FAM161A: variants seen among roughly 807,000 people sequenced by gnomAD.
The protein encoded by FAM161A is protein FAM161A.
FAM161A carries 57 observed loss-of-function variants against 70.9 expected under a neutral mutation model. The observed-to-expected ratio is 0.80, with a 90% CI of 0.65 to 1.00. FAM161A has a LOEUF of 1.00. Among genes scored for constraint, FAM161A ranks in the 50% least tolerant of loss-of-function variants. The pLI is 0.00. For synonymous variants in FAM161A, 299 were observed against 295.7 expected (o/e 1.01, Z -0.12); for missense variants, 880 against 836.0 (o/e 1.05, Z -0.65).
chr2:61,811,561 A>G, the FAM161A span, among the ~76,000 whole-genome samples: 11 of 152,124 alleles, frequency 7.2e-5, no homozygotes, highest in Non-Finnish European at 1.2e-4. Flanking sequence ...TTTAGTAGAG[A>G]CTAGTTTCTC....
intron 5 of FAM161A, 135 bp from the exon 6 acceptor site, chr2:61,827,393 G>C: frequency 1.3e-6 from 1 of 755,282 alleles, no homozygotes. Flanking sequence ...GGTGGATCAC[G>C]AGGTCAGGAG....
intron 5 of FAM161A, among the ~76,000 whole-genome samples, chr2:61,830,397 T>G (rs546578700): frequency 1.3e-5 from 2 of 151,866 alleles, no homozygotes; most frequent in Admixed American, 1.3e-4. Context: ...ATGAGAACAG[T>G]AGGCCAGGCA....
downstream of FAM161A, chr2:61,820,115 T>G: frequency 4.7e-6 from 2 of 423,302 alleles, no homozygotes; most frequent in South Asian, 6.1e-5. Flanking sequence ...TTAGGAATTG[T>G]GTTCTGCTGC....
intron 1 of FAM161A, among the ~76,000 whole-genome samples, chr2:61,843,460 A>C (rs957088705): frequency 3.9e-5 from 6 of 152,312 alleles, no homozygotes; most frequent in African/African-American, 1.2e-4. Context: ...AACTAAAGAG[A>C]TAAAACCCCA....
chr2:61,838,868 A>G, intron 3 of FAM161A, among the ~76,000 whole-genome samples, 163 bp from the exon 4 acceptor site: 1 of 139,512 alleles, frequency 7.2e-6, no homozygotes, highest in South Asian at 2.2e-4. Flanking sequence ...TTATTTATTT[A>G]TTTATTTATT....
chr2:61,805,048 CA>C, the FAM161A span, among the ~76,000 whole-genome samples: 1 of 152,054 alleles, frequency 6.6e-6, no homozygotes, highest in African/African-American at 2.4e-5. Context: ...AAGTCACGCC[CA>C]TGAGCCAGAG....
At chr2:61,804,828 A>AAG in the FAM161A span, among the ~76,000 whole-genome samples, 7 of 150,002 alleles carry the variant, frequency 4.7e-5, no homozygotes, top group South Asian at 4.3e-4. Context: ...GAGAAAGAGA[A>AAG]AGAAAGAAGG....
At chr2:61,801,135 G>T in the FAM161A span, among the ~76,000 whole-genome samples, 1 of 152,078 alleles carries the variant, frequency 6.6e-6, no homozygotes, top group Non-Finnish European at 1.5e-5. Context: ...TTCTTAGGAG[G>T]CCTTAGGGTT....
intron 1 of FAM161A, among the ~76,000 whole-genome samples, chr2:61,843,662 G>A (rs975841627): frequency 1.3e-5 from 2 of 152,126 alleles, no homozygotes; most frequent in African/African-American, 4.8e-5. Flanking sequence ...AAAATAATCT[G>A]TTTAGCTTCT....
the FAM161A span, among the ~76,000 whole-genome samples, chr2:61,806,680 C>CT: frequency 0.088 from 5,382 of 61,244 alleles, 1,717 homozygotes; most frequent in African/African-American, 0.19. Context: ...CTTTCCACGT[C>CT]TTTTTTTTTT....
chr2:61,803,480 A>C, the FAM161A span: 1 of 589,734 alleles, frequency 1.7e-6, no homozygotes, highest in Non-Finnish European at 3.1e-6. Context: ...GAGTAAAGAT[A>C]TTGCAAGGAT....
chr2:61,806,487 T>C, the FAM161A span, among the ~76,000 whole-genome samples: 663 of 152,176 alleles, frequency 4.4e-3, 4 homozygotes, highest in African/African-American at 0.015. Context: ...ATTAATCATG[T>C]TTTAAAATCA....
the FAM161A span, among the ~76,000 whole-genome samples, chr2:61,819,158 G>C: frequency 2.0e-5 from 3 of 152,300 alleles, no homozygotes; most frequent in Middle Eastern, 0.01. Context: ...AAAAGGCAGA[G>C]AGCTGTCTAG....
At chr2:61,844,261 T>C (rs1242703934) in intron 1 of FAM161A, among the ~76,000 whole-genome samples, 1 of 152,238 alleles carries the variant, frequency 6.6e-6, no homozygotes, top group Non-Finnish European at 1.5e-5. Flanking sequence ...TTCTCTGATA[T>C]CTTCTGCTGT....
At chr2:61,843,138 T>G (rs921880379) in intron 1 of FAM161A, among the ~76,000 whole-genome samples, 2 of 151,628 alleles carry the variant, frequency 1.3e-5, no homozygotes, top group Non-Finnish European at 2.9e-5. Context: ...CTTTCAGTTT[T>G]TTTGTTTGTT....
At chr2:61,842,389 G>A (rs1215491295) in intron 1 of FAM161A, 29 bp from the exon 2 acceptor site, 53 of 1,393,268 alleles carry the variant, frequency 3.8e-5, no homozygotes, top group Non-Finnish European at 5.2e-5. Flanking sequence ...TTGATATATA[G>A]TGACTGGAGC....
At chr2:61,814,074 T>C in the FAM161A span, among the ~76,000 whole-genome samples, 1 of 152,146 alleles carries the variant, frequency 6.6e-6, no homozygotes, top group African/African-American at 2.4e-5. Context: ...GGAGGGAACA[T>C]GCAGAAGCCC....
In FAM161A at chr2:61,833,593, C is replaced by T. The variant is rs117990726; in HGVS notation, c.1851+2417G>A. ...GTAGGTAAGTGTGCTTCCGAGAGGACGTGTTAAAACAGCTAAATCCTCACC... is the reference window on the plus strand; with the variant it reads ...GTAGGTAAGTGTGCTTCCGAGAGGATGTGTTAAAACAGCTAAATCCTCACC... On this transcript the variant is annotated intron_variant, in intron 5 of 6. Transcript: ENST00000404929. 3.2e-4 allele frequency among the ~76,000 whole-genome samples: 49 copies of T among 152,154 alleles called. 2 individuals are homozygous for T. The East Asian group carries it at 8.1e-3, about 25-fold the overall frequency.
rs375048963 is a variant in FAM161A, at chr2:61,836,006, C to T, written c.1851+4G>A. 30 of 1,553,428 alleles carry T rather than the reference C, an allele frequency of 1.9e-5. No homozygotes were observed. In the African/African-American group the frequency reaches 3.2e-4, roughly 17 times the overall value. Reference sequence around the variant, plus strand: ...GATAGCTCTTAAATTCCAATAAACACAACCTGAGCAACTCTTTCAAATAGC... The same window carrying T: ...GATAGCTCTTAAATTCCAATAAACATAACCTGAGCAACTCTTTCAAATAGC... On this transcript the variant is annotated splice_donor_region_variant and intron_variant, in intron 5 of 6. Coordinates refer to ENST00000404929, the MANE Select transcript of FAM161A (RefSeq NM_001201543.2).
Sources: gnomAD v4.1 joint callset for allele counts (sites outside exome capture counted in the v4.1 genomes callset) on GRCh38, gnomAD v4.1.1 for gene constraint, MANE v1.5 for transcripts, NCBI Gene and HGNC (gene_info 2026-07-23, HGNC 2026-07-21) for gene names.